The following PMFBP1 variants were observed in gnomAD, a reference collection of about 807,000 sequenced individuals.
The protein encoded by PMFBP1 is polyamine modulated factor 1 binding protein 1, also known as polyamine-modulated factor 1-binding protein 1.
A neutral mutation model predicts 137.8 loss-of-function variants in PMFBP1; 131 were observed. The observed-to-expected ratio is 0.95, with a 90% CI of 0.82 to 1.10. The LOEUF (loss-of-function observed/expected upper bound fraction) is 1.10. Among genes scored for constraint, PMFBP1 ranks in the 50% least tolerant of loss-of-function variants. The pLI, the probability that PMFBP1 is intolerant of heterozygous loss-of-function variation, is 0.00. For missense variants in PMFBP1, 1,199 were observed against 1,175.4 expected (o/e 1.02, Z -0.29); for synonymous variants, 490 against 450.4 (o/e 1.09, Z -1.11).
intron 2 of PMFBP1, among the ~76,000 whole-genome samples, chr16:72,169,740 G>T (rs1289113056): frequency 6.6e-6 from 1 of 151,986 alleles, no homozygotes; most frequent in East Asian, 1.9e-4. Flanking sequence ...CCCCTTATCA[G>T]CTGTGTATTC....
At chr16:72,119,623 G>C in intron 20 of PMFBP1, 1 of 1,444,576 alleles carries the variant, frequency 6.9e-7, no homozygotes, top group Non-Finnish European at 9.0e-7. Context: ...GAGGGGGCAG[G>C]TCTGAGATGT....
chr16:72,119,343 A>C lies in PMFBP1; in HGVS notation c.3019T>G (p.Cys1007Gly). ...GMPHCPGSSYC is the reference protein window; with the variant it reads ...GMPHCPGSSYG ...CTCAGGGCTAGATGTGGATTCTAGCAGTATGAGGAACCTGAGGGAACAGGG... is the reference window on the plus strand; with the variant it reads ...CTCAGGGCTAGATGTGGATTCTAGCCGTATGAGGAACCTGAGGGAACAGGG... Residue 1007 changes from cysteine to glycine, a missense_variant, in exon 21 of 21, where the codon TGC becomes GGC. Physicochemically the swap from Cys to Gly is radical, Grantham distance 159 (BLOSUM62 -3). Coordinates refer to ENST00000237353, the MANE Select transcript of PMFBP1 (RefSeq NM_031293.3). The C allele has an allele frequency of 6.2e-7, 1 of 1,614,170 alleles. No individual in the cohort carries two copies. The highest frequency in any genetic ancestry group is 8.5e-7 in the Non-Finnish European group (1 of 1,179,958).
rs7189654 is a variant in PMFBP1, at chr16:72,119,577, C to T, written c.3008-223G>A. 11,662 of 1,445,932 alleles carry T rather than the reference C, an allele frequency of 8.1e-3. 784 individuals are homozygous for T. In the African/African-American group the frequency reaches 0.15, roughly 18 times the overall value. 89.6% of individuals were successfully genotyped at this position (1,445,932 alleles called of 1,614,324 possible). On this transcript the variant is annotated intron_variant, in intron 20 of 20. Coordinates refer to ENST00000237353, the MANE Select transcript of PMFBP1 (RefSeq NM_031293.3). ...TTCCAGACGTAGAAGGAAGATGCCT[C>T]TTCTACCTGTTCCCTAAAATGGGTC...
In PMFBP1 at chr16:72,150,743, G is replaced by C. The variant is rs36111057; in HGVS notation, c.501C>G (p.Ala167=). ...TCTCTAGAGAGGCGATCTTGTCCCC[G>C]GCCAAGGCGAGTTGCTCCTGCGCCA... ...LHLAQEQLAL[A]GDKIASLERS... The change falls in exon 5 of 21, where the codon GCC becomes GCG. Residue 167 remains alanine, a synonymous_variant. Coordinates refer to ENST00000237353, the MANE Select transcript of PMFBP1 (RefSeq NM_031293.3). The C allele has an allele frequency of 1.9e-6, 3 of 1,614,136 alleles. No homozygotes were observed. The highest frequency in any genetic ancestry group is 2.5e-6 in the Non-Finnish European group (3 of 1,180,010).
the PMFBP1 span, among the ~76,000 whole-genome samples, chr16:72,184,498 A>G: frequency 6.6e-6 from 1 of 152,176 alleles, no homozygotes; most frequent in African/African-American, 2.4e-5. Flanking sequence ...CACAATTCTG[A>G]GCACTTCACT....
chr16:72,119,604 G>A, intron 20 of PMFBP1: 4 of 1,443,566 alleles, frequency 2.8e-6, no homozygotes, highest in Non-Finnish European at 3.6e-6. Flanking sequence ...AAATGGGTCT[G>A]GGTCAGGGGA....
chr16:72,119,647 A>G (rs1480730535), intron 20 of PMFBP1: 1 of 1,444,290 alleles, frequency 6.9e-7, no homozygotes, highest in Non-Finnish European at 9.0e-7. Flanking sequence ...GCACTTGGGT[A>G]TGCTTCAGAT....
At chr16:72,203,428 A>G in the PMFBP1 span, among the ~76,000 whole-genome samples, 2 of 152,140 alleles carry the variant, frequency 1.3e-5, no homozygotes, top group Admixed American at 6.5e-5. Context: ...ACTAGCAACC[A>G]TTGTTTTCCA....
chr16:72,144,595 T>C (rs548917560), intron 5 of PMFBP1, among the ~76,000 whole-genome samples: 7 of 152,334 alleles, frequency 4.6e-5, no homozygotes, highest in African/African-American at 1.7e-4. Context: ...TATGTCATTA[T>C]ACATATAAAA....
chr16:72,192,581 G>GT, the PMFBP1 span, among the ~76,000 whole-genome samples: 16 of 152,102 alleles, frequency 1.1e-4, no homozygotes, highest in Non-Finnish European at 1.8e-4. Context: ...ATGCAAAGAT[G>GT]TTTTTTTAAG....
At chr16:72,200,113 G>GC in the PMFBP1 span, among the ~76,000 whole-genome samples, 21 of 152,228 alleles carry the variant, frequency 1.4e-4, no homozygotes, top group Non-Finnish European at 4.4e-5. Context: ...CTGGGATGGA[G>GC]CCTCTGAGGG....
At chr16:72,130,782 T>C (rs1012611147) in intron 10 of PMFBP1, 60 bp from the exon 11 acceptor site, 1 of 1,470,468 alleles carries the variant, frequency 6.8e-7, no homozygotes, top group African/African-American at 1.4e-5. Flanking sequence ...CACACTCTTA[T>C]CAGCCTGGCT....
In PMFBP1 at chr16:72,126,151, G is replaced by A; in HGVS notation, c.2089-19C>T. On this transcript the variant is annotated intron_variant, in intron 14 of 20. Transcript: ENST00000237353. ...GGGCTATCTTTAAGGAGGGAGAGCA[G>A]AACTGTCAGGGTGCCAGGTCAGGGT... is the stretch of plus-strand genomic sequence containing the variant. 6.2e-7 allele frequency: 1 copy of A among 1,612,400 alleles called. No homozygotes were observed. The highest frequency in any genetic ancestry group is 8.5e-7 in the Non-Finnish European group (1 of 1,179,326).
chr16:72,205,631 C>G, the PMFBP1 span, among the ~76,000 whole-genome samples: 1 of 152,176 alleles, frequency 6.6e-6, no homozygotes. Context: ...GCATGGCACA[C>G]ACACTTAGTG....
chr16:72,226,802 A>G, the PMFBP1 span, among the ~76,000 whole-genome samples: 1 of 152,334 alleles, frequency 6.6e-6, no homozygotes, highest in Non-Finnish European at 1.5e-5. Flanking sequence ...TCGCCACAAC[A>G]TGTCAAGAGA....
the PMFBP1 span, among the ~76,000 whole-genome samples, chr16:72,235,259 T>C: frequency 6.6e-6 from 1 of 152,136 alleles, no homozygotes; most frequent in Non-Finnish European, 1.5e-5. Flanking sequence ...TCCAGCCCCA[T>C]TTGTTGATCA....
chr16:72,150,036 G>A (rs537252977), intron 5 of PMFBP1, among the ~76,000 whole-genome samples: 7 of 152,290 alleles, frequency 4.6e-5, no homozygotes, highest in African/African-American at 1.4e-4. Context: ...CGTATTACTT[G>A]TGTAATTAAA....
At chr16:72,176,352 G>A (rs1240353756), upstream of PMFBP1, among the ~76,000 whole-genome samples, 3 of 152,210 alleles carry the variant, frequency 2.0e-5, no homozygotes, top group Admixed American at 1.3e-4. Flanking sequence ...GAGGCTGTTT[G>A]TTGTCTGTTC....
At chr16:72,142,101 G>A (rs1397580574) in intron 5 of PMFBP1, among the ~76,000 whole-genome samples, 4 of 151,896 alleles carry the variant, frequency 2.6e-5, no homozygotes, top group Non-Finnish European at 1.5e-5. Flanking sequence ...TTCAGGCAAA[G>A]TTAGGAATAC....
Sources: allele counts gnomAD v4.1 joint callset (sites outside exome capture counted in the v4.1 genomes callset), GRCh38; gene constraint gnomAD v4.1.1; transcripts MANE v1.5; gene names NCBI Gene and HGNC (gene_info 2026-07-23, HGNC 2026-07-21).